Variants in ADGRE1 observed in about 807,000 individuals in gnomAD.
The protein encoded by ADGRE1 is EGF-like module receptor 1.
A neutral mutation model predicts 102.7 loss-of-function variants in ADGRE1; 82 were observed. That is an observed-to-expected ratio of 0.80 (90% CI 0.67 to 0.96). ADGRE1 has a LOEUF of 0.96. Among genes scored for constraint, ADGRE1 ranks in the 40% least tolerant of loss-of-function variants. The pLI is 0.00. For synonymous variants in ADGRE1, 398 were observed against 399.6 expected, an observed-to-expected ratio of 1.00 and a Z score of 0.05; for missense variants, 1,032 against 1,085.3, an observed-to-expected ratio of 0.95 and a Z score of 0.69.
chr19:6,887,968 G>A (rs1311745889), intron 1 of ADGRE1, among the ~76,000 whole-genome samples: 1 of 152,190 alleles, frequency 6.6e-6, no homozygotes, highest in Admixed American at 6.5e-5. Flanking sequence ...GGAGCAGACA[G>A]GAAAGAAGGC....
rs1469927725 is a variant in ADGRE1, at chr19:6,937,534, C to T, written c.2551-10C>T. Reference sequence around the variant, plus strand: ...TTCCCTGCATCTGGATGATGTGTCTCCTTCTCCAGGTACGAGAAGAATACA... The same window carrying T: ...TTCCCTGCATCTGGATGATGTGTCTTCTTCTCCAGGTACGAGAAGAATACA... On this transcript the variant is annotated splice_polypyrimidine_tract_variant and intron_variant, in intron 19 of 20. Transcript: ENST00000312053. The T allele has an allele frequency of 6.2e-7, 1 of 1,610,922 alleles. No homozygotes were observed. Among genetic ancestry groups the T allele is most frequent in the African/African-American group, 1.3e-5 (1 of 74,634 alleles).
In ADGRE1 at chr19:6,926,739, G is replaced by A. The variant is rs2145001451; in HGVS notation, c.2222+138G>A. 4 of 829,910 alleles carry A rather than the reference G, an allele frequency of 4.8e-6. No homozygotes were observed. In the South Asian group the frequency reaches 5.0e-5, roughly 10 times the overall value. 51.4% of individuals were successfully genotyped at this position (829,910 alleles called of 1,614,324 possible). On this transcript the variant is annotated intron_variant, in intron 16 of 20. Coordinates refer to ENST00000312053, the MANE Select transcript of ADGRE1 (RefSeq NM_001974.5). Reference sequence around the variant, plus strand: ...CGAGCTCTTCTATTATGTACTATTGGTTTCAGGACCACCATGTACAGCAGC... The same window carrying A: ...CGAGCTCTTCTATTATGTACTATTGATTTCAGGACCACCATGTACAGCAGC...
At chr19:6,920,909 A>T (rs923925663) in intron 13 of ADGRE1, among the ~76,000 whole-genome samples, 3 of 152,136 alleles carry the variant, frequency 2.0e-5, no homozygotes, top group Non-Finnish European at 2.9e-5. Flanking sequence ...CTGCACTATG[A>T]TCTCTTTTTG....
At chr19:6,900,761 CT>C (rs1599720192) in intron 5 of ADGRE1, among the ~76,000 whole-genome samples, 1 of 152,210 alleles carries the variant, frequency 6.6e-6, no homozygotes, top group Admixed American at 6.5e-5. Context: ...TTATATCCCC[CT>C]GGCTTAGTTT....
chr19:6,914,911 C>G (rs757953504), intron 11 of ADGRE1, among the ~76,000 whole-genome samples: 11 of 151,970 alleles, frequency 7.2e-5, no homozygotes, highest in African/African-American at 1.2e-4. Flanking sequence ...ATTCAAGGAA[C>G]AATGAGGTGC....
rs763810855 is a variant in ADGRE1, at chr19:6,919,748, G to A, written c.1620+1G>A. 3 of 1,613,188 alleles carry A rather than the reference G, an allele frequency of 1.9e-6. No homozygotes were observed. The highest frequency in any genetic ancestry group is 2.5e-6 in the Non-Finnish European group (3 of 1,179,500). ...CATCTACACTCTGGAGAACATTCAG[G>A]TTTGTGAAGAGGTCTCTACTGAGAT... On this transcript the variant is annotated splice_donor_variant, in intron 13 of 20. Transcript: ENST00000312053. LOFTEE classifies it high-confidence loss of function.
intron 6 of ADGRE1, among the ~76,000 whole-genome samples, 185 bp from the exon 7 acceptor site, chr19:6,903,625 C>T (rs1173473523): frequency 2.0e-5 from 3 of 152,276 alleles, no homozygotes; most frequent in African/African-American, 7.2e-5. Context: ...TATATCATGG[C>T]TCTCATATTC....
At chr19:6,911,474 A>C (rs548475039) in intron 10 of ADGRE1, among the ~76,000 whole-genome samples, 5 of 146,336 alleles carry the variant, frequency 3.4e-5, no homozygotes, top group Non-Finnish European at 7.4e-5. Context: ...AATCATATGA[A>C]TATTACTATT....
At chr19:6,924,394 T>G (rs923552966) in intron 14 of ADGRE1, among the ~76,000 whole-genome samples, 2 of 152,118 alleles carry the variant, frequency 1.3e-5, no homozygotes, top group Non-Finnish European at 2.9e-5. Flanking sequence ...TTAAATTACA[T>G]CCAGGACCTT....
intron 18 of ADGRE1, among the ~76,000 whole-genome samples, chr19:6,935,771 T>C (rs1289727202): frequency 6.6e-6 from 1 of 152,222 alleles, no homozygotes; most frequent in Non-Finnish European, 1.5e-5. Context: ...ACTGTAATGC[T>C]TTTAGAATGT....
At position 6,897,478 on chromosome 19, in the gene ADGRE1, G is replaced by T; in HGVS notation, c.445G>T (p.Val149Phe). The change falls in exon 5 of 21, where the codon GTC (valine) becomes TTC (phenylalanine). Residue 149 changes from valine (V) to phenylalanine (F), a missense_variant. By Grantham distance (50) the Val-to-Phe change is conservative. Coordinates refer to ENST00000312053, the MANE Select transcript of ADGRE1 (RefSeq NM_001974.5). ...SSVCPEHSDCVNSMGSYSCSC... is the reference protein window; with the variant it reads ...SSVCPEHSDCFNSMGSYSCSC... Reference sequence around the variant, plus strand: ...CGTCTGCCCTGAGCATTCTGACTGTGTCAACTCCATGGGAAGCTACAGTTG... The same window carrying T: ...CGTCTGCCCTGAGCATTCTGACTGTTTCAACTCCATGGGAAGCTACAGTTG... The T allele has an allele frequency of 6.3e-7, 1 of 1,599,792 alleles. No homozygotes were observed. Among genetic ancestry groups the T allele is most frequent in the Non-Finnish European group, 8.5e-7 (1 of 1,174,906 alleles).
intron 16 of ADGRE1, 91 bp downstream of exon 16, chr19:6,926,692 A>C (rs1974926642): frequency 1.5e-6 from 2 of 1,316,838 alleles, no homozygotes; most frequent in East Asian, 4.6e-5. Context: ...CAACAGTAGC[A>C]GTAGTTGTGG....
chr19:6,936,372 CT>C (rs1469044380), intron 18 of ADGRE1, among the ~76,000 whole-genome samples: 1 of 149,456 alleles, frequency 6.7e-6, no homozygotes, highest in African/African-American at 2.5e-5. Flanking sequence ...GGAGGCGGAG[CT>C]TGCAGTGAGC....
chr19:6,888,509 T>C (rs1355449208), intron 1 of ADGRE1, among the ~76,000 whole-genome samples: 1 of 152,218 alleles, frequency 6.6e-6, no homozygotes. Flanking sequence ...ATTGGGGACA[T>C]ATTCTAAGTA....
chr19:6,903,932 C>A lies in ADGRE1; in HGVS notation c.784C>A (p.Gln262Lys), dbSNP rs1205502156. 3 of 1,614,054 alleles carry A rather than the reference C, an allele frequency of 1.9e-6. No individual in the cohort carries two copies. Among genetic ancestry groups the A allele is most frequent in the Non-Finnish European group, 1.7e-6 (2 of 1,180,044 alleles). Residue 262 changes from glutamine to lysine, a missense_variant, in exon 7 of 21, where the codon CAA (glutamine) becomes AAA (lysine). Physicochemically the swap from Gln to Lys is moderately conservative, Grantham distance 53. Coordinates refer to ENST00000312053, the MANE Select transcript of ADGRE1 (RefSeq NM_001974.5). The stretch of plus-strand genomic sequence containing the variant: ...CAATGGACAGTTGAATTTCACAGAC[C>A]AAGGAGTGGAATGTAGAGGTGAGCA... Reference protein sequence around the residue: ...PSNGQLNFTDQGVECRDIDEC... With the variant: ...PSNGQLNFTDKGVECRDIDEC...
At chr19:6,921,979 G>A (rs1325974428) in intron 14 of ADGRE1, 96 bp downstream of exon 14, 7 of 1,421,026 alleles carry the variant, frequency 4.9e-6, no homozygotes, top group South Asian at 4.2e-5. Context: ...CTCCCATGGG[G>A]TTGGGTGTTG....
chr19:6,937,387 C>T lies in ADGRE1; in HGVS notation c.2526C>T (p.Leu842=), dbSNP rs764898374. ...GCCTGCAGGGGGCCTTCATCTTCCT[C>T]ATCCACTGTCTGCTCAACGGCCAGG... ...INSLQGAFIF[L]IHCLLNGQVR... The change falls in exon 19 of 21, where the codon CTC becomes CTT. Residue 842 remains leucine, a synonymous_variant. Coordinates refer to ENST00000312053, the MANE Select transcript of ADGRE1 (RefSeq NM_001974.5). 4.3e-6 allele frequency: 7 copies of T among 1,613,874 alleles called. No individual in the cohort carries two copies. Among genetic ancestry groups the T allele is most frequent in the Non-Finnish European group, 5.9e-6 (7 of 1,179,994 alleles).
At chr19:6,913,414 TCATGATCCACCCA>T (rs1412510039) in intron 10 of ADGRE1, among the ~76,000 whole-genome samples, 1 of 57,952 alleles carries the variant, frequency 1.7e-5, no homozygotes, top group African/African-American at 4.7e-5. Flanking sequence ...ACTGCTGACC[TCATGATCCACCCA>T]CCTCAGCCTC....
chr19:6,922,619 C>CAA (rs1237660359), intron 14 of ADGRE1, among the ~76,000 whole-genome samples: 6 of 83,988 alleles, frequency 7.1e-5, no homozygotes, highest in African/African-American at 3.4e-4. Context: ...GTCTCACACA[C>CAA]ACACACACAC....
Sources: gnomAD v4.1 joint callset for allele counts (sites outside exome capture counted in the v4.1 genomes callset) on GRCh38, gnomAD v4.1.1 for gene constraint, MANE v1.5 for transcripts, NCBI Gene and HGNC (gene_info 2026-07-23, HGNC 2026-07-21) for gene names.